The following BICC1 variants were observed in gnomAD, a reference collection of about 807,000 sequenced individuals.
BICC1 encodes BicC family RNA binding protein 1.
In BICC1, 43 loss-of-function variants were observed where a neutral mutation model predicts 111.0. The ratio of observed to expected loss-of-function variants is 0.39; its 90% CI spans 0.30 to 0.50. BICC1 has a LOEUF of 0.50. Ranked by LOEUF, BICC1 falls within the 20% of genes least tolerant of loss-of-function variation. The pLI is 0.88. For missense variants in BICC1, 1,091 were observed against 1,203.2 expected, an observed-to-expected ratio of 0.91 and a Z score of 1.38; for synonymous variants, 467 against 434.4, an observed-to-expected ratio of 1.07 and a Z score of -0.93.
At chr10:58,678,941 G>A (rs1839429234) in intron 2 of BICC1, among the ~76,000 whole-genome samples, 1 of 152,166 alleles carries the variant, frequency 6.6e-6, no homozygotes, top group African/African-American at 2.4e-5. Flanking sequence ...TGACTACTGG[G>A]TAAATAACAA....
chr10:58,802,059 T>C (rs1843563649), intron 14 of BICC1, among the ~76,000 whole-genome samples: 2 of 152,226 alleles, frequency 1.3e-5, no homozygotes, highest in Admixed American at 6.5e-5. Flanking sequence ...ATCTATCCTT[T>C]ATTTTGCTTC....
At chr10:58,583,631 TACAC>T (rs1353897581) in intron 1 of BICC1, among the ~76,000 whole-genome samples, 10 of 146,714 alleles carry the variant, frequency 6.8e-5, no homozygotes, top group Admixed American at 6.1e-4. Flanking sequence ...TGTGTGTACA[TACAC>T]ACACATACCA....
At chr10:58,626,033 A>G (rs1845980773) in intron 2 of BICC1, among the ~76,000 whole-genome samples, 1 of 152,252 alleles carries the variant, frequency 6.6e-6, no homozygotes, top group Admixed American at 6.5e-5. Flanking sequence ...TTTAATTTAA[A>G]TAAGATCCAG....
intron 1 of BICC1, among the ~76,000 whole-genome samples, chr10:58,546,809 G>T (rs965340409): frequency 6.6e-6 from 1 of 152,054 alleles, no homozygotes; most frequent in Non-Finnish European, 1.5e-5. Flanking sequence ...TATCAGTTTT[G>T]CAATCCAGAG....
At chr10:58,567,527 G>C (rs969850443) in intron 1 of BICC1, among the ~76,000 whole-genome samples, 1 of 149,532 alleles carries the variant, frequency 6.7e-6, no homozygotes, top group African/African-American at 2.5e-5. Context: ...TATCTTTTAG[G>C]GTATATATAT....
chr10:58,745,052 A>G (rs909682661), intron 3 of BICC1, among the ~76,000 whole-genome samples: 3 of 152,168 alleles, frequency 2.0e-5, no homozygotes, highest in Non-Finnish European at 4.4e-5. Flanking sequence ...TGCTACATTC[A>G]CATTCTTGAT....
Position 58,789,765 on chromosome 10 carries a change from T to A in BICC1, c.879T>A (p.Ala293=), listed in dbSNP as rs1589139962. Residue 293 remains alanine, a synonymous_variant, in exon 8 of 21, where the codon GCT becomes GCA. Coordinates refer to ENST00000373886, the MANE Select transcript of BICC1 (RefSeq NM_001080512.3). ...IPVSTQLDIA[A]QHHLFMMGRN... is the part of the protein sequence containing the mutation. The stretch of plus-strand genomic sequence containing the variant: ...TGAGCACACAACTAGATATTGCAGC[T>A]CAACATCATCTCTTTATGATGGGTC... The A allele has an allele frequency of 3.1e-6, 5 of 1,614,112 alleles. No homozygotes were observed. The African/African-American group carries it at 4.0e-5, about 13-fold the overall frequency.
At chr10:58,594,694 T>G (rs921660631) in intron 1 of BICC1, among the ~76,000 whole-genome samples, 1 of 152,152 alleles carries the variant, frequency 6.6e-6, no homozygotes, top group Non-Finnish European at 1.5e-5. Context: ...TTGTCACCAC[T>G]AGGCCTGCCT....
chr10:58,633,049 C>G (rs914960466), intron 2 of BICC1, among the ~76,000 whole-genome samples: 16 of 152,138 alleles, frequency 1.1e-4, no homozygotes, highest in Non-Finnish European at 2.1e-4. Flanking sequence ...TTGTAATAAT[C>G]CCCACGTGTC....
intron 1 of BICC1, among the ~76,000 whole-genome samples, chr10:58,532,531 C>T (rs1170877302): frequency 1.3e-5 from 2 of 151,818 alleles, no homozygotes; most frequent in Non-Finnish European, 2.9e-5. Flanking sequence ...AAGAAATCAG[C>T]TGCTTCCAAA....
intron 3 of BICC1, among the ~76,000 whole-genome samples, chr10:58,707,453 T>C (rs1840418809): frequency 6.6e-6 from 1 of 152,062 alleles, no homozygotes; most frequent in Non-Finnish European, 1.5e-5. Context: ...GTTAGGTTAG[T>C]GCGTCGCAGC....
intron 1 of BICC1, among the ~76,000 whole-genome samples, chr10:58,523,940 C>T (rs2132527994): frequency 6.6e-6 from 1 of 152,252 alleles, no homozygotes; most frequent in Middle Eastern, 3.4e-3. Flanking sequence ...TGAGTGAACT[C>T]CCATTCACAA....
intron 2 of BICC1, among the ~76,000 whole-genome samples, chr10:58,651,374 A>T (rs1838443435): frequency 6.6e-6 from 1 of 152,186 alleles, no homozygotes; most frequent in Non-Finnish European, 1.5e-5. Flanking sequence ...CGCCGGGGAA[A>T]CTGCCTGCAG....
intron 3 of BICC1, among the ~76,000 whole-genome samples, chr10:58,742,319 A>G (rs2393485): frequency 0.96 from 145,618 of 152,184 alleles, 70,044 homozygotes; most frequent in Middle Eastern, 1. Context: ...CTCTTACGGC[A>G]TATTTTAAGG....
At chr10:58,545,555 A>C (rs1843114927) in intron 1 of BICC1, among the ~76,000 whole-genome samples, 1 of 152,170 alleles carries the variant, frequency 6.6e-6, no homozygotes, top group South Asian at 2.1e-4. Flanking sequence ...AAGCAAATCT[A>C]CCCTCATCCA....
chr10:58,812,624 C>T (rs1415470845), intron 17 of BICC1, among the ~76,000 whole-genome samples: 2 of 151,654 alleles, frequency 1.3e-5, no homozygotes, highest in Admixed American at 6.6e-5. Context: ...ATTACAGGTA[C>T]GCACCACCAC....
At chr10:58,763,290 A>T (rs1229578445) in intron 3 of BICC1, among the ~76,000 whole-genome samples, 1 of 152,216 alleles carries the variant, frequency 6.6e-6, no homozygotes, top group Non-Finnish European at 1.5e-5. Context: ...AATGCTGTTA[A>T]GACACTAGTC....
In BICC1 at chr10:58,513,157, G is replaced by T; in HGVS notation, c.14G>T (p.Gly5Val). The T allele has an allele frequency of 6.5e-7, 1 of 1,543,592 alleles. No homozygotes were observed. Among genetic ancestry groups the T allele is most frequent in the Non-Finnish European group, 8.7e-7 (1 of 1,147,596 alleles). The change falls in exon 1 of 21, where the codon GGA becomes GTA. Residue 5 changes from glycine to valine, a missense_variant. By Grantham distance (109) the Gly-to-Val change is moderately radical (BLOSUM62 -3). Transcript: ENST00000373886. ...TGCGCGCCCACCATGGCCGCCCAGGGAGAGCCCGGCTACCTGGCGGCGCAG... is the reference window on the plus strand; with the variant it reads ...TGCGCGCCCACCATGGCCGCCCAGGTAGAGCCCGGCTACCTGGCGGCGCAG... Reference protein sequence around the residue: MAAQGEPGYLAAQSD... With the variant: MAAQVEPGYLAAQSD...
At chr10:58,604,177 A>G (rs919415854) in intron 1 of BICC1, among the ~76,000 whole-genome samples, 1 of 152,234 alleles carries the variant, frequency 6.6e-6, no homozygotes, top group Middle Eastern at 3.4e-3. Flanking sequence ...TTATCCTCTG[A>G]TAGTCCTAGT....
Sources: gnomAD v4.1 joint callset for allele counts (sites outside exome capture counted in the v4.1 genomes callset) on GRCh38, gnomAD v4.1.1 for gene constraint, MANE v1.5 for transcripts, NCBI Gene and HGNC (gene_info 2026-07-23, HGNC 2026-07-21) for gene names.